Variants in SLC5A5 observed in about 807,000 individuals in gnomAD.
The protein encoded by SLC5A5 is solute carrier family 5 member 5.
Under a neutral mutation model 68.6 loss-of-function variants are expected in SLC5A5, and 56 were observed. The observed-to-expected ratio is 0.82, with a 90% CI of 0.66 to 1.02. The LOEUF (loss-of-function observed/expected upper bound fraction) is 1.02. Among genes scored for constraint, SLC5A5 ranks in the 50% least tolerant of loss-of-function variants. The pLI is 0.00. For synonymous variants in SLC5A5, 398 were observed against 373.0 expected (o/e 1.07, Z -0.77); for missense variants, 807 against 859.8 (o/e 0.94, Z 0.77).
At position 17,890,883 on chromosome 19, in the gene SLC5A5, C is replaced by G; in HGVS notation, c.1652-3C>G. ...GATTTCTCCATTTCTCCCCGCCTCTCAGGCCCCACCAAGCGCAGCACCCTG... is the reference window on the plus strand; with the variant it reads ...GATTTCTCCATTTCTCCCCGCCTCTGAGGCCCCACCAAGCGCAGCACCCTG... On this transcript the variant is annotated splice_region_variant and splice_polypyrimidine_tract_variant and intron_variant, in intron 13 of 14. Transcript: ENST00000222248. 1 of 1,609,064 alleles carries G rather than the reference C, an allele frequency of 6.2e-7. No homozygotes were observed.
chr19:17,874,873 T>A (rs1232227428), intron 4 of SLC5A5, 142 bp downstream of exon 4: 3 of 804,338 alleles, frequency 3.7e-6, no homozygotes, highest in Non-Finnish European at 6.3e-6. Context: ...TAGTGAAAAA[T>A]GATCTGAAAA....
At position 17,881,361 on chromosome 19, in the gene SLC5A5, G is replaced by A. The variant is rs535824093; in HGVS notation, c.1058+408G>A. 2.6e-5 allele frequency among the ~76,000 whole-genome samples: 4 copies of A among 152,116 alleles called. No homozygotes were observed. The East Asian group carries it at 7.7e-4, about 29-fold the overall frequency. ...GGCTCACTGCAACCTCCACCTCCTG[G>A]GTTCAAGCAATTCTCCTGCCTCAGC... On this transcript the variant is annotated intron_variant, in intron 8 of 14. Transcript: ENST00000222248.
At chr19:17,893,060 G>T (rs1255778464) in intron 14 of SLC5A5, among the ~76,000 whole-genome samples, 16 of 105,442 alleles carry the variant, frequency 1.5e-4, no homozygotes, top group Non-Finnish European at 1.9e-4. Flanking sequence ...CTTTTTTGTT[G>T]TCTTTGTTTT....
At position 17,874,533 on chromosome 19, in the gene SLC5A5, A is replaced by G. The variant is rs763838704; in HGVS notation, c.463A>G (p.Ile155Val). 1.9e-6 allele frequency: 3 copies of G among 1,613,648 alleles called. No homozygotes were observed. In the South Asian group the frequency reaches 3.3e-5, roughly 18 times the overall value. The stretch of plus-strand genomic sequence containing the variant: ...CATCGTAATCTACGCACCGGCCCTC[A>G]TCCTGAACCAAGGTGTGACTCTGGG... ...TGIVIYAPAL[I>V]LNQVTGLDIW... is the part of the protein sequence containing the mutation. The change falls in exon 3 of 15, where the codon ATC becomes GTC. Residue 155 changes from isoleucine (I) to valine (V), a missense_variant. By Grantham distance (29) the Ile-to-Val change is conservative (BLOSUM62 3). Coordinates refer to ENST00000222248, the MANE Select transcript of SLC5A5 (RefSeq NM_000453.3).
chr19:17,878,542 A>G (rs905583648), intron 7 of SLC5A5, among the ~76,000 whole-genome samples: 3 of 151,950 alleles, frequency 2.0e-5, no homozygotes, highest in African/African-American at 7.3e-5. Context: ...AGTTCAGAGG[A>G]GGATCTGCAA....
chr19:17,888,466 A>C lies in SLC5A5; in HGVS notation c.1651+11A>C. ...TCAGCTGCCTGACAGGTAGGTAAACAGAGCATGTGGCCTCAGAGGTCATCC... is the reference window on the plus strand; with the variant it reads ...TCAGCTGCCTGACAGGTAGGTAAACCGAGCATGTGGCCTCAGAGGTCATCC... On this transcript the variant is annotated intron_variant, in intron 13 of 14. Transcript: ENST00000222248. 1 of 1,613,568 alleles carries C rather than the reference A, an allele frequency of 6.2e-7. No homozygotes were observed. Among genetic ancestry groups the C allele is most frequent in the Non-Finnish European group, 8.5e-7 (1 of 1,179,958 alleles).
Position 17,874,644 on chromosome 19 carries a change from G to GCCTAAC in SLC5A5, c.476-20_476-19insCCTAAC, listed in dbSNP as rs368551521. On this transcript the variant is annotated intron_variant, in intron 3 of 14. Coordinates refer to ENST00000222248, the MANE Select transcript of SLC5A5 (RefSeq NM_000453.3). The stretch of plus-strand genomic sequence containing the variant: ...TGCGCCCCGCCCAGGGGCCTAACAG[G>GCCTAAC]GGGACCTCTTTTTGCATAGTGACCG... 1,309 of 1,614,136 alleles carry GCCTAAC rather than the reference G, an allele frequency of 8.1e-4. 7 individuals are homozygous for GCCTAAC. In the African/African-American group the frequency reaches 0.014, roughly 17 times the overall value.
At position 17,894,149 on chromosome 19, in the gene SLC5A5, T is replaced by TTTTTTC; in HGVS notation, c.*277_*278insCTTTTT. The TTTTTTC allele has an allele frequency of 6.0e-6, 2 of 331,456 alleles. No individual in the cohort carries two copies. The highest frequency in any genetic ancestry group is 4.7e-5 in the Admixed American group (1 of 21,236). 20.5% of individuals were successfully genotyped at this position (331,456 alleles called of 1,614,324 possible). A position where few individuals can be genotyped will look rare whatever the true frequency, so the allele number is the denominator to read the frequency against. ...GCTGGGTTTTTCTCTCTCTCTTTTT[T>TTTTTTC]TTTTTTTTTTTTTTTTGAGACAGGG... On this transcript the variant is annotated 3_prime_UTR_variant, in exon 15 of 15. Coordinates refer to ENST00000222248, the MANE Select transcript of SLC5A5 (RefSeq NM_000453.3).
intron 13 of SLC5A5, among the ~76,000 whole-genome samples, 159 bp downstream of exon 13, chr19:17,888,614 TATTATC>T (rs149718142): frequency 0.038 from 5,287 of 140,380 alleles, 281 homozygotes; most frequent in African/African-American, 0.14. Context: ...TTATTATTAT[TATTATC>T]ATCATCATCA....
At position 17,881,978 on chromosome 19, in the gene SLC5A5, C is replaced by T. The variant is rs754967301; in HGVS notation, c.1077C>T (p.Ile359=). The T allele has an allele frequency of 1.9e-6, 3 of 1,613,778 alleles. No individual in the cohort carries two copies. Among genetic ancestry groups the T allele is most frequent in the Admixed American group, 1.7e-5 (1 of 60,016 alleles). Reference sequence around the variant, plus strand: ...CACACAGCACAGCATCCACCAGCATCAATGCTATGGCTGCAGTCACTGTAG... The same window carrying T: ...CACACAGCACAGCATCCACCAGCATTAATGCTATGGCTGCAGTCACTGTAG... The part of the protein sequence containing the change: ...SGTLSTASTS[I]NAMAAVTVED... Residue 359 remains isoleucine (I), a synonymous_variant, in exon 9 of 15, where the codon ATC becomes ATT. Transcript: ENST00000222248.
chr19:17,891,372 AT>A (rs2030164672), intron 14 of SLC5A5, among the ~76,000 whole-genome samples: 1 of 151,856 alleles, frequency 6.6e-6, no homozygotes, highest in Admixed American at 6.6e-5. Context: ...CACCCAGCTA[AT>A]TTTTATGTTT....
chr19:17,886,358 AGTG>A (rs1439132976), intron 12 of SLC5A5, among the ~76,000 whole-genome samples: 1 of 144,996 alleles, frequency 6.9e-6, no homozygotes, highest in Non-Finnish European at 1.5e-5. Context: ...CCCAGGCTGG[AGTG>A]CAGTGGTGTG....
intron 7 of SLC5A5, among the ~76,000 whole-genome samples, chr19:17,878,389 C>T (rs149563256): frequency 0.043 from 6,522 of 152,060 alleles, 231 homozygotes; most frequent in Non-Finnish European, 0.063. Flanking sequence ...CCTGTAGTCC[C>T]GGCTACTCAG....
rs2094295705 is a variant in SLC5A5, at chr19:17,872,209, C to G, written c.-111C>G. On this transcript the variant is annotated 5_prime_UTR_variant, in exon 1 of 15. Transcript: ENST00000222248. ...CCCAGACGGAGCGGGGACAGGCTGC[C>G]GAGCATCCTCCCACCCGCCCTCCCC... The G allele has an allele frequency of 1.4e-6, 1 of 718,310 alleles. No homozygotes were observed. The allele number at this position is 718,310 out of a possible 1,614,324, so 44.5% of individuals were successfully genotyped here.
chr19:17,874,248 T>G, intron 2 of SLC5A5, 45 bp downstream of exon 2: 1 of 1,412,652 alleles, frequency 7.1e-7, no homozygotes. Context: ...CCCGAGAGCG[T>G]CAGCCTTCAC....
At chr19:17,892,676 G>GAGAA (rs1224999506) in intron 14 of SLC5A5, among the ~76,000 whole-genome samples, 64 of 151,322 alleles carry the variant, frequency 4.2e-4, no homozygotes, top group Middle Eastern at 6.8e-3. Flanking sequence ...GAGAGAGAGA[G>GAGAA]AGAGAGAGAG....
At chr19:17,880,600 G>T (rs1479597463) in intron 7 of SLC5A5, among the ~76,000 whole-genome samples, 3 of 152,234 alleles carry the variant, frequency 2.0e-5, no homozygotes, top group Non-Finnish European at 1.5e-5. Flanking sequence ...GGGGACTGAA[G>T]CAGGAAGATC....
In SLC5A5 at chr19:17,882,192, C is replaced by T. The variant is rs368632128; in HGVS notation, c.1215C>T (p.Ser405=). The T allele has an allele frequency of 6.2e-7, 1 of 1,613,908 alleles. No individual in the cohort carries two copies. The highest frequency in any genetic ancestry group is 1.3e-5 in the African/African-American group (1 of 74,906). Residue 405 remains serine, a synonymous_variant, in exon 10 of 15, where the codon TCC becomes TCT. Coordinates refer to ENST00000222248, the MANE Select transcript of SLC5A5 (RefSeq NM_000453.3). ...CCTGTCTCACCGTGGCAGCCCTGTC[C>T]TCACTGCTCGGAGGAGGTGTCCTTC... ...GSACLTVAAL[S]SLLGGGVLQG...
rs45531732 is a variant in SLC5A5, at chr19:17,888,436, C to T, written c.1632C>T (p.Ala544=). 3.7e-6 allele frequency: 6 copies of T among 1,613,692 alleles called. No homozygotes were observed. Among genetic ancestry groups the T allele is most frequent in the African/African-American group, 2.7e-5 (2 of 74,858 alleles). ...LGTLTTVLCG[A]LISCLTGPTK... ...CGCTGACCACTGTGCTGTGCGGAGCCCTCATCAGCTGCCTGACAGGTAGGT... is the reference window on the plus strand; with the variant it reads ...CGCTGACCACTGTGCTGTGCGGAGCTCTCATCAGCTGCCTGACAGGTAGGT... The change falls in exon 13 of 15, where the codon GCC becomes GCT. Residue 544 remains alanine (A), a synonymous_variant. Transcript: ENST00000222248.
Sources: gnomAD v4.1 joint callset for allele counts (sites outside exome capture counted in the v4.1 genomes callset) on GRCh38, gnomAD v4.1.1 for gene constraint, MANE v1.5 for transcripts, NCBI Gene and HGNC (gene_info 2026-07-23, HGNC 2026-07-21) for gene names.